SPEG: variants seen among roughly 807,000 people sequenced by gnomAD.
SPEG encodes the protein striated muscle preferentially expressed protein kinase.
In SPEG, 114 loss-of-function variants were observed where a neutral mutation model predicts 300.4. The observed-to-expected ratio is 0.38, with a 90% CI of 0.33 to 0.44. The LOEUF (loss-of-function observed/expected upper bound fraction) is 0.44. Among genes scored for constraint, SPEG ranks in the 20% least tolerant of loss-of-function variants. The pLI, the probability that SPEG is intolerant of heterozygous loss-of-function variation, is 1.00. For missense variants in SPEG, 4,201 were observed against 4,586.2 expected (o/e 0.92, Z 2.43); for synonymous variants, 1,964 against 2,018.9 (o/e 0.97, Z 0.73).
At chr2:219,437,737 G>T (rs999380443) in intron 1 of SPEG, among the ~76,000 whole-genome samples, 1 of 152,108 alleles carries the variant, frequency 6.6e-6, no homozygotes, top group Non-Finnish European at 1.5e-5. Flanking sequence ...GTGATGCTGG[G>T]GGACTGACTG....
At chr2:219,488,419 C>T (rs1693643135) in intron 32 of SPEG, 79 bp from the exon 33 acceptor site, 2 of 1,505,196 alleles carry the variant, frequency 1.3e-6, no homozygotes, top group Admixed American at 2.0e-5. Context: ...AGGGGGGATG[C>T]TGGAGTGGGG....
chr2:219,461,466 A>G lies in SPEG; in HGVS notation c.2441-416A>G, dbSNP rs778401716. On this transcript the variant is annotated intron_variant, in intron 6 of 40. Coordinates refer to ENST00000312358, the MANE Select transcript of SPEG (RefSeq NM_005876.5). ...CACCCAAGAAATGGGCGTCCTAGCC[A>G]TGCTGCTCCAGGGTTCCATAGACCT... 33 of 1,044,142 alleles carry G rather than the reference A, an allele frequency of 3.2e-5. 1 individual carries two copies. The highest frequency in any genetic ancestry group is 9.1e-4 in the Middle Eastern group (2 of 2,202). The allele number at this position is 1,044,142 out of a possible 1,614,324, so 64.7% of individuals were successfully genotyped here.
At chr2:219,441,919 C>T (rs955656496) in intron 1 of SPEG, 1 of 228,602 alleles carries the variant, frequency 4.4e-6, no homozygotes. Flanking sequence ...GCTCCCGAGG[C>T]CCCAGGCTCC....
In SPEG at chr2:219,464,935, C is replaced by T; in HGVS notation, c.2881+327C>T. The T allele has an allele frequency of 3.6e-6, 1 of 280,910 alleles. No homozygotes were observed. The highest frequency in any genetic ancestry group is 6.8e-6 in the Non-Finnish European group (1 of 147,974). The allele number at this position is 280,910 out of a possible 1,614,324, so 17.4% of individuals were successfully genotyped here. A position where few individuals can be genotyped will look rare whatever the true frequency, so the allele number is the denominator to read the frequency against. ...TCTCTACACTCTTCTGAGCCTTTGT[C>T]ACCCTGCTCTGCCCAGGACCCTCCC... On this transcript the variant is annotated intron_variant, in intron 9 of 40. Transcript: ENST00000312358. The surrounding 1 kb of genome is among the most constrained non-coding windows in gnomAD (Gnocchi z 4.5).
In SPEG at chr2:219,451,650, G is replaced by A. The variant is rs756950993; in HGVS notation, c.2283G>A (p.Ala761=). The A allele has an allele frequency of 5.7e-6, 9 of 1,586,254 alleles. No individual in the cohort carries two copies. The highest frequency in any genetic ancestry group is 1.7e-4 in the Middle Eastern group (1 of 5,902). ...TGTCCTGGCACAAGGATGGGTCAGC[G>A]CTGCGCAGCGAGGGCCGCCTCCTCC... ...PQVSWHKDGS[A]LRSEGRLLLR... Residue 761 remains alanine, a synonymous_variant, in exon 6 of 41, where the codon GCG becomes GCA. Coordinates refer to ENST00000312358, the MANE Select transcript of SPEG (RefSeq NM_005876.5). The surrounding 1 kb of genome is among the most constrained non-coding windows in gnomAD (Gnocchi z 6.4).
At chr2:219,441,624 G>A (rs1037523612) in intron 1 of SPEG, 6 of 469,112 alleles carry the variant, frequency 1.3e-5, no homozygotes, top group African/African-American at 1.2e-4. Flanking sequence ...GCGCTGGGCT[G>A]CCAGAAAGTG....
At chr2:219,475,369 C>T (rs1413751867) in intron 18 of SPEG, among the ~76,000 whole-genome samples, 1 of 152,196 alleles carries the variant, frequency 6.6e-6, no homozygotes, top group Non-Finnish European at 1.5e-5. Context: ...TTGAAGCTCA[C>T]TTGAAACTTT....
chr2:219,468,307 G>C lies in SPEG; in HGVS notation c.3143-271G>C, dbSNP rs776076448. Among the ~76,000 whole-genome samples the C allele has an allele frequency of 1.4e-4, 21 of 152,126 alleles. 1 individual carries two copies. The highest frequency in any genetic ancestry group is 3.4e-3 in the Middle Eastern group (1 of 294). ...AGGGTGGGCAGGGTGAGGGGAGGAG[G>C]GGGGAGCTGGGGCCAGGCCCTGGGC... On this transcript the variant is annotated intron_variant, in intron 10 of 40. Transcript: ENST00000312358.
chr2:219,471,473 C>A (rs1212206493), intron 13 of SPEG, among the ~76,000 whole-genome samples: 1 of 152,018 alleles, frequency 6.6e-6, no homozygotes, highest in Non-Finnish European at 1.5e-5. Context: ...AGGGGAGGGG[C>A]CTTGGGAACA....
In SPEG at chr2:219,490,883, T is replaced by C. The variant is rs2125599742; in HGVS notation, c.9312T>C (p.Phe3104=). ...ACAATGCCCTCAAGATTGTGGACTTTGGCAGTGCCCAGCCCTACAACCCCC... is the reference window on the plus strand; with the variant it reads ...ACAATGCCCTCAAGATTGTGGACTTCGGCAGTGCCCAGCCCTACAACCCCC... The part of the protein sequence containing the change: ...APDNALKIVD[F]GSAQPYNPQA... The change falls in exon 38 of 41, where the codon TTT becomes TTC. Residue 3104 remains phenylalanine, a synonymous_variant. Transcript: ENST00000312358. 1 of 1,613,918 alleles carries C rather than the reference T, an allele frequency of 6.2e-7. No individual in the cohort carries two copies. The highest frequency in any genetic ancestry group is 8.5e-7 in the Non-Finnish European group (1 of 1,180,034).
intron 10 of SPEG, 56 bp from the exon 11 acceptor site, chr2:219,468,522 G>A: frequency 6.3e-7 from 1 of 1,577,344 alleles, no homozygotes; most frequent in Non-Finnish European, 8.6e-7. Flanking sequence ...GTGGTGGGTT[G>A]GGATGCCTGG....
At chr2:219,435,673 G>A (rs7576601) in intron 1 of SPEG, among the ~76,000 whole-genome samples, 12,846 of 152,244 alleles carry the variant, frequency 0.084, 1,370 homozygotes, top group African/African-American at 0.25. Context: ...CTCCTCCTGT[G>A]GAGAAAAGCC....
chr2:219,451,576 G>C lies in SPEG; in HGVS notation c.2258-49G>C, dbSNP rs769861248. 1 of 1,451,164 alleles carries C rather than the reference G, an allele frequency of 6.9e-7. No individual in the cohort carries two copies. Among genetic ancestry groups the C allele is most frequent in the South Asian group, 1.4e-5 (1 of 71,944 alleles). The allele number at this position is 1,451,164 out of a possible 1,614,324, so 89.9% of individuals were successfully genotyped here. On this transcript the variant is annotated intron_variant, in intron 5 of 40. Coordinates refer to ENST00000312358, the MANE Select transcript of SPEG (RefSeq NM_005876.5). The surrounding 1 kb of genome is among the most constrained non-coding windows in gnomAD (Gnocchi z 6.4). The stretch of plus-strand genomic sequence containing the variant: ...TGTGGGGTAGGAGTAGAGATTCTCA[G>C]TGGGCGCCTGTGGGCCGTGGCGAGC...
intron 1 of SPEG, among the ~76,000 whole-genome samples, chr2:219,438,130 G>A (rs1366552463): frequency 6.6e-6 from 1 of 152,130 alleles, no homozygotes; most frequent in Non-Finnish European, 1.5e-5. Context: ...GGAAACTGGG[G>A]GTGGTGGTGC....
At position 219,484,344 on chromosome 2, in the gene SPEG, T is replaced by C; in HGVS notation, c.6881T>C (p.Val2294Ala). ...SPPPGAPEKR[V>A]PSAGGPPVLA... ...CCTCCGGGAGCCCCCGAGAAGCGCG[T>C]GCCCTCAGCCGGGGGTCCCCCGGTG... Residue 2294 changes from valine (V) to alanine (A), a missense_variant, in exon 30 of 41, where the codon GTG becomes GCG. Transcript: ENST00000312358. 6.2e-7 allele frequency: 1 copy of C among 1,603,360 alleles called. No individual in the cohort carries two copies. Among genetic ancestry groups the C allele is most frequent in the Non-Finnish European group, 8.5e-7 (1 of 1,178,290 alleles).
chr2:219,440,561 TTTTATTTATTTATTTA>T (rs10606358), intron 1 of SPEG, among the ~76,000 whole-genome samples: 38 of 143,654 alleles, frequency 2.6e-4, no homozygotes, highest in South Asian at 9.1e-4. Context: ...ATTTATTTTA[TTTTATTTATTTATTTA>T]TTTATTTATT....
intron 3 of SPEG, among the ~76,000 whole-genome samples, chr2:219,446,076 G>A (rs553293159): frequency 1.3e-5 from 2 of 151,850 alleles, no homozygotes; most frequent in African/African-American, 2.4e-5. Flanking sequence ...AGCTACCACC[G>A]TGCAGGAGAA....
chr2:219,437,774 G>C (rs760370492), intron 1 of SPEG, among the ~76,000 whole-genome samples: 41 of 152,072 alleles, frequency 2.7e-4, no homozygotes, highest in Non-Finnish European at 5.0e-4. Flanking sequence ...TATCCCTTCT[G>C]TTGCCCACCC....
intron 30 of SPEG, 99 bp downstream of exon 30, chr2:219,485,171 G>T: frequency 6.7e-7 from 1 of 1,485,398 alleles, no homozygotes; most frequent in South Asian, 1.3e-5. Context: ...ACCCACCAGG[G>T]GCAGGCTGAG....
Sources: gnomAD v4.1 joint callset for allele counts (sites outside exome capture counted in the v4.1 genomes callset) on GRCh38, gnomAD v4.1.1 for gene constraint, Gnocchi (gnomAD v3.1) non-coding constraint, MANE v1.5 for transcripts, NCBI Gene and HGNC (gene_info 2026-07-23, HGNC 2026-07-21) for gene names.